The following ANKRD62 variants were observed in gnomAD, a reference collection of about 807,000 sequenced individuals.
ANKRD62 encodes ankyrin repeat domain-containing protein 62.
In ANKRD62, 61 loss-of-function variants were observed where a neutral mutation model predicts 98.8. That is an observed-to-expected ratio of 0.62 (90% CI 0.50 to 0.76). The LOEUF (loss-of-function observed/expected upper bound fraction) is 0.76, where lower values mean the gene tolerates loss of function less well. Ranked by LOEUF, ANKRD62 falls within the 30% of genes least tolerant of loss-of-function variation. The pLI is 0.00. For missense variants in ANKRD62, 933 were observed against 1,082.9 expected (o/e 0.86, Z 1.94); for synonymous variants, 341 against 367.9 (o/e 0.93, Z 0.84).
intron 8 of ANKRD62, among the ~76,000 whole-genome samples, chr18:12,111,171 C>T (rs1031464886): frequency 1.3e-5 from 2 of 151,798 alleles, no homozygotes; most frequent in African/African-American, 4.8e-5. Context: ...ATTGCCTGAA[C>T]CCGGGAGGCA....
downstream of ANKRD62, among the ~76,000 whole-genome samples, chr18:12,134,266 A>C (rs1910046714): frequency 6.6e-6 from 1 of 152,222 alleles, no homozygotes; most frequent in African/African-American, 2.4e-5. Context: ...GAAATAATTT[A>C]GAATTTACCT....
At chr18:12,105,774 T>C (rs952706764) in intron 7 of ANKRD62, among the ~76,000 whole-genome samples, 1 of 152,206 alleles carries the variant, frequency 6.6e-6, no homozygotes, top group African/African-American at 2.4e-5. Flanking sequence ...CATTACTTGA[T>C]CAACCCAAGT....
chr18:12,108,447 A>G (rs1488570858), intron 8 of ANKRD62, among the ~76,000 whole-genome samples: 1 of 152,048 alleles, frequency 6.6e-6, no homozygotes, highest in Non-Finnish European at 1.5e-5. Flanking sequence ...CAAGAACAGC[A>G]TGGGGGAAAC....
chr18:12,162,253 G>A, the ANKRD62 span, among the ~76,000 whole-genome samples: 1 of 152,032 alleles, frequency 6.6e-6, no homozygotes, highest in Admixed American at 6.6e-5. Flanking sequence ...GTTTTGAATT[G>A]CATTTCTCTG....
chr18:12,162,898 TTC>T, the ANKRD62 span, among the ~76,000 whole-genome samples: 1 of 152,134 alleles, frequency 6.6e-6, no homozygotes, highest in Non-Finnish European at 1.5e-5. Flanking sequence ...GCCAGTACAA[TTC>T]TCTCTTGGTT....
At chr18:12,134,104 A>T (rs1316112722), downstream of ANKRD62, among the ~76,000 whole-genome samples, 1 of 152,178 alleles carries the variant, frequency 6.6e-6, no homozygotes, top group Non-Finnish European at 1.5e-5. Flanking sequence ...AATTTTACAT[A>T]CTTGGAGACA....
the ANKRD62 span, among the ~76,000 whole-genome samples, chr18:12,145,916 C>T: frequency 6.6e-6 from 1 of 152,142 alleles, no homozygotes; most frequent in Non-Finnish European, 1.5e-5. Context: ...TCCCGTTTCT[C>T]TTCACTTTGT....
the ANKRD62 span, among the ~76,000 whole-genome samples, chr18:12,136,255 T>C: frequency 1.3e-5 from 2 of 152,010 alleles, no homozygotes; most frequent in Non-Finnish European, 2.9e-5. Flanking sequence ...TTCAGCTTTC[T>C]ACATATGGCT....
chr18:12,175,325 C>T, the ANKRD62 span, among the ~76,000 whole-genome samples: 3 of 152,018 alleles, frequency 2.0e-5, no homozygotes, highest in African/African-American at 7.3e-5. Flanking sequence ...GAGTGGAGCT[C>T]GCTGGCTGTG....
chr18:12,140,398 G>A, the ANKRD62 span, among the ~76,000 whole-genome samples: 3 of 152,188 alleles, frequency 2.0e-5, no homozygotes, highest in Non-Finnish European at 4.4e-5. Flanking sequence ...GAGGAGCTGC[G>A]TTCCTTTGGA....
chr18:12,164,825 G>A, the ANKRD62 span, among the ~76,000 whole-genome samples: 1 of 151,888 alleles, frequency 6.6e-6, no homozygotes. Flanking sequence ...GACTAGGTCT[G>A]ATTTTTCTTT....
At chr18:12,122,847 T>C (rs1909808834) in intron 11 of ANKRD62, among the ~76,000 whole-genome samples, 1 of 152,196 alleles carries the variant, frequency 6.6e-6, no homozygotes, top group African/African-American at 2.4e-5. Flanking sequence ...GTTTTCTACA[T>C]TTCTATTTCT....
chr18:12,105,343 A>G (rs533068108), intron 7 of ANKRD62, among the ~76,000 whole-genome samples: 1 of 152,352 alleles, frequency 6.6e-6, no homozygotes, highest in South Asian at 2.1e-4. Flanking sequence ...CAGAGCATTA[A>G]AAGTACATCT....
At chr18:12,110,806 G>C (rs965082548) in intron 8 of ANKRD62, among the ~76,000 whole-genome samples, 8 of 152,124 alleles carry the variant, frequency 5.3e-5, no homozygotes, top group Admixed American at 2.6e-4. Flanking sequence ...ATATCACTTT[G>C]TTCACTTGGC....
At position 12,125,627 on chromosome 18, in the gene ANKRD62, C is replaced by T. The variant is rs1380594533; in HGVS notation, c.1806C>T (p.Asp602=). 3 of 1,526,344 alleles carry T rather than the reference C, an allele frequency of 2.0e-6. No individual in the cohort carries two copies. The highest frequency in any genetic ancestry group is 2.6e-6 in the Non-Finnish European group (3 of 1,143,958). The allele number at this position is 1,526,344 out of a possible 1,614,324, so 94.6% of individuals were successfully genotyped here. A position where few individuals can be genotyped will look rare whatever the true frequency, so the allele number is the denominator to read the frequency against. Residue 602 remains aspartate (D), a synonymous_variant, in exon 13 of 14, where the codon GAC becomes GAT. Transcript: ENST00000587848. The part of the protein sequence containing the change: ...DIEIIKENNE[D]LEKTLKRNEE... ...AAATTATAAAGGAAAACAATGAAGA[C>T]CTTGAAAAGACTCTCAAGCGGAATG... is the stretch of plus-strand genomic sequence containing the variant.
chr18:12,153,556 C>T, the ANKRD62 span, among the ~76,000 whole-genome samples: 3 of 148,406 alleles, frequency 2.0e-5, no homozygotes, highest in East Asian at 3.9e-4. Context: ...CACATCACTG[C>T]ACTCCAGCCT....
In ANKRD62 at chr18:12,125,857, T is replaced by A; in HGVS notation, c.2036T>A (p.Leu679His). 1 of 1,547,684 alleles carries A rather than the reference T, an allele frequency of 6.5e-7. No individual in the cohort carries two copies. The highest frequency in any genetic ancestry group is 8.7e-7 in the Non-Finnish European group (1 of 1,147,390). The change falls in exon 13 of 14, where the codon CTT (leucine) becomes CAT (histidine). Residue 679 changes from leucine to histidine, a missense_variant. This residue lies in a region of ANKRD62 where 362 missense variants were observed against 434.5 expected (regional missense o/e 0.83). Coordinates refer to ENST00000587848, the MANE Select transcript of ANKRD62 (RefSeq NM_001277333.2). ...QRQSSKRDLQLAFQSTVNEWC... is the reference protein window; with the variant it reads ...QRQSSKRDLQHAFQSTVNEWC... ...CAGTCATCAAAAAGAGACCTACAGC[T>A]TGCTTTCCAGAGCACAGTGAATGAA...
the ANKRD62 span, among the ~76,000 whole-genome samples, chr18:12,155,133 A>G: frequency 6.6e-6 from 1 of 152,258 alleles, no homozygotes. Flanking sequence ...GTTAACAACA[A>G]CAAAAGAAAA....
chr18:12,158,067 G>A, the ANKRD62 span, among the ~76,000 whole-genome samples: 1 of 152,232 alleles, frequency 6.6e-6, no homozygotes. Context: ...GTCACCTCCA[G>A]GCCTGCCTTC....
Sources: allele counts gnomAD v4.1 joint callset (sites outside exome capture counted in the v4.1 genomes callset), GRCh38; gene constraint gnomAD v4.1.1; regional missense constraint gnomAD v4.1.1; transcripts MANE v1.5; gene names NCBI Gene and HGNC (gene_info 2026-07-23, HGNC 2026-07-21).